Variants in CSRNP3 observed in about 807,000 individuals in gnomAD.
CSRNP3 encodes the protein cysteine and serine rich nuclear protein 3.
A neutral mutation model predicts 48.0 loss-of-function variants in CSRNP3; 12 were observed. The ratio of observed to expected loss-of-function variants is 0.25; its 90% CI spans 0.16 to 0.41. The LOEUF (loss-of-function observed/expected upper bound fraction) is 0.41. Ranked by LOEUF, CSRNP3 falls within the 10% of genes least tolerant of loss-of-function variation. The pLI, the probability that CSRNP3 is intolerant of heterozygous loss-of-function variation, is 1.00. For synonymous variants in CSRNP3, 263 were observed against 269.7 expected, an observed-to-expected ratio of 0.98 and a Z score of 0.24; for missense variants, 580 against 724.4, an observed-to-expected ratio of 0.80 and a Z score of 2.29.
At chr2:165,483,916 A>C (rs1014254650) in intron 1 of CSRNP3, among the ~76,000 whole-genome samples, 1 of 151,668 alleles carries the variant, frequency 6.6e-6, no homozygotes, top group Non-Finnish European at 1.5e-5. Context: ...ATTCTATTGA[A>C]TAAATATTCA....
At chr2:165,650,490 CT>C (rs1374537247) in intron 4 of CSRNP3, among the ~76,000 whole-genome samples, 5 of 152,172 alleles carry the variant, frequency 3.3e-5, no homozygotes, top group Admixed American at 3.3e-4. Flanking sequence ...TTAAGTTAAT[CT>C]TAATAACTTC....
At chr2:165,594,885 T>G (rs1012543612) in intron 3 of CSRNP3, among the ~76,000 whole-genome samples, 158 bp from the exon 4 acceptor site, 4 of 152,162 alleles carry the variant, frequency 2.6e-5, no homozygotes, top group African/African-American at 9.7e-5. Context: ...TTTTTGTTAA[T>G]TTGAAAATAG....
intron 3 of CSRNP3, among the ~76,000 whole-genome samples, chr2:165,554,390 T>A (rs1342089376): frequency 6.6e-6 from 1 of 152,152 alleles, no homozygotes; most frequent in East Asian, 1.9e-4. Context: ...CTTCAACTTT[T>A]ATATAGAGAG....
chr2:165,512,783 T>C (rs934622956), intron 2 of CSRNP3, among the ~76,000 whole-genome samples: 1 of 152,194 alleles, frequency 6.6e-6, no homozygotes, highest in Non-Finnish European at 1.5e-5. Context: ...AGAATTAATA[T>C]GACTGTCAGT....
rs112390103 is a variant in CSRNP3, at chr2:165,615,467, C to T, written c.148+20254C>T. Among the ~76,000 whole-genome samples, 348 of 151,362 alleles carry T rather than the reference C, an allele frequency of 2.3e-3. 1 individual carries two copies. Among genetic ancestry groups the T allele is most frequent in the African/African-American group, 7.8e-3 (322 of 41,256 alleles). Reference sequence around the variant, plus strand: ...TTGAGGCAGGAGAATGGTGTGAACCCGGGAGGCAGAGCTTGCAGTGAGCCA... The same window carrying T: ...TTGAGGCAGGAGAATGGTGTGAACCTGGGAGGCAGAGCTTGCAGTGAGCCA... On this transcript the variant is annotated intron_variant, in intron 4 of 6. Coordinates refer to ENST00000651982, the MANE Select transcript of CSRNP3 (RefSeq NM_001172173.2).
intron 3 of CSRNP3, among the ~76,000 whole-genome samples, chr2:165,538,281 C>T (rs1270314561): frequency 1.3e-5 from 2 of 151,976 alleles, no homozygotes; most frequent in African/African-American, 2.4e-5. Context: ...ATTACTACTA[C>T]ATACCACCCT....
At chr2:165,583,846 G>A (rs1574848688) in intron 3 of CSRNP3, among the ~76,000 whole-genome samples, 6 of 152,202 alleles carry the variant, frequency 3.9e-5, no homozygotes, top group South Asian at 2.1e-4. Context: ...ACAGGAAAGG[G>A]GTCCCTATCC....
At position 165,678,811 on chromosome 2, in the gene CSRNP3, A is replaced by T; in HGVS notation, c.816A>T (p.Ile272=). Reference sequence around the variant, plus strand: ...TTCGGACTCACTTTTTGCACACAATAATGAAACTTGAACTGGAGAAAAACC... The same window carrying T: ...TTCGGACTCACTTTTTGCACACAATTATGAAACTTGAACTGGAGAAAAACC... ...IRVRTHFLHT[I]MKLELEKNRE... The change falls in exon 7 of 7, where the codon ATA becomes ATT. Residue 272 remains isoleucine, a synonymous_variant. Transcript: ENST00000651982. 1 of 1,614,076 alleles carries T rather than the reference A, an allele frequency of 6.2e-7. No homozygotes were observed. Among genetic ancestry groups the T allele is most frequent in the Non-Finnish European group, 8.5e-7 (1 of 1,179,992 alleles).
chr2:165,515,994 T>TGAG (rs923300150), intron 2 of CSRNP3, among the ~76,000 whole-genome samples: 4 of 151,906 alleles, frequency 2.6e-5, no homozygotes, highest in African/African-American at 9.7e-5. Context: ...TTAGTAGAGA[T>TGAG]GAGGTTTCAC....
chr2:165,589,270 T>TA (rs756497879), intron 3 of CSRNP3, among the ~76,000 whole-genome samples: 13 of 152,204 alleles, frequency 8.5e-5, no homozygotes, highest in Non-Finnish European at 1.5e-4. Context: ...ATGTAGGTGA[T>TA]ATAGAAGAAA....
Position 165,679,655 on chromosome 2 carries a change from T to G in CSRNP3, c.1660T>G (p.Ser554Ala). 6.2e-7 allele frequency: 1 copy of G among 1,614,174 alleles called. No individual in the cohort carries two copies. Among genetic ancestry groups the G allele is most frequent in the Admixed American group, 1.7e-5 (1 of 60,026 alleles). Residue 554 changes from serine (S) to alanine (A), a missense_variant, in exon 7 of 7, where the codon TCA (serine) becomes GCA (alanine). Transcript: ENST00000651982. The part of the protein sequence containing the change: ...VSALNGDSHI[S>A]EHPAENSLSL... ...TGCATTGAATGGTGACAGTCACATT[T>G]CAGAGCATCCTGCTGAAAATTCTTT...
chr2:165,651,996 T>C (rs1156334252), intron 4 of CSRNP3, among the ~76,000 whole-genome samples: 1 of 152,126 alleles, frequency 6.6e-6, no homozygotes, highest in East Asian at 1.9e-4. Flanking sequence ...CTGGAGATAG[T>C]GAATATCAGT....
intron 3 of CSRNP3, among the ~76,000 whole-genome samples, chr2:165,567,349 T>A (rs1315584729): frequency 6.6e-6 from 1 of 152,124 alleles, no homozygotes. Context: ...GCCTTTGTAA[T>A]GATAGAGACT....
At chr2:165,555,273 A>G (rs945838437) in intron 3 of CSRNP3, among the ~76,000 whole-genome samples, 2 of 152,160 alleles carry the variant, frequency 1.3e-5, no homozygotes, top group Admixed American at 1.3e-4. Flanking sequence ...CTTCCACCAG[A>G]ATGAAAGCTC....
At chr2:165,598,557 TGG>T (rs1390536568) in intron 4 of CSRNP3, among the ~76,000 whole-genome samples, 1 of 152,206 alleles carries the variant, frequency 6.6e-6, no homozygotes, top group East Asian at 1.9e-4. Context: ...CAGATTGAAA[TGG>T]CCTGGTGAGC....
rs772143221 is a variant in CSRNP3, at chr2:165,679,738, G to A, written c.1743G>A (p.Glu581=). Reference sequence around the variant, plus strand: ...AGTGCATCAAATCACCCGTGGTTGAGACAGTCCCTGTTTAGTAGCTTAAAT... The same window carrying A: ...AGTGCATCAAATCACCCGTGGTTGAAACAGTCCCTGTTTAGTAGCTTAAAT... ...HEECIKSPVV[E]TVPV is the part of the protein sequence containing the mutation. Residue 581 remains glutamate, a synonymous_variant, in exon 7 of 7, where the codon GAG becomes GAA. Coordinates refer to ENST00000651982, the MANE Select transcript of CSRNP3 (RefSeq NM_001172173.2). The A allele has an allele frequency of 6.2e-7, 1 of 1,613,276 alleles. No homozygotes were observed. The highest frequency in any genetic ancestry group is 1.7e-5 in the Admixed American group (1 of 59,996).
intron 2 of CSRNP3, among the ~76,000 whole-genome samples, chr2:165,496,843 G>T (rs1010506579): frequency 6.6e-6 from 1 of 151,880 alleles, no homozygotes; most frequent in Non-Finnish European, 1.5e-5. Context: ...CTTTCCTAAA[G>T]TTACAAATTG....
chr2:165,526,552 G>A (rs895888388), intron 3 of CSRNP3, among the ~76,000 whole-genome samples: 1 of 152,106 alleles, frequency 6.6e-6, no homozygotes, highest in Admixed American at 6.5e-5. Flanking sequence ...GCTCTATAAT[G>A]GTCATTTGAA....
At chr2:165,618,263 C>T (rs1686284211) in intron 4 of CSRNP3, among the ~76,000 whole-genome samples, 1 of 152,188 alleles carries the variant, frequency 6.6e-6, no homozygotes, top group Non-Finnish European at 1.5e-5. Context: ...TTGAGCCAGT[C>T]CTGGCTGGCT....
Sources: allele counts gnomAD v4.1 joint callset (sites outside exome capture counted in the v4.1 genomes callset), GRCh38; gene constraint gnomAD v4.1.1; transcripts MANE v1.5; gene names NCBI Gene and HGNC (gene_info 2026-07-23, HGNC 2026-07-21).